Variants in ALG14 observed in about 807,000 individuals in gnomAD.
ALG14 encodes UDP-N-acetylglucosamine transferase subunit ALG14.
Under a neutral mutation model 22.8 loss-of-function variants are expected in ALG14, and 17 were observed. The observed-to-expected ratio is 0.75, with a 90% confidence interval of 0.51 to 1.12. The LOEUF is 1.12. Ranked by LOEUF, ALG14 falls within the 50% of genes most tolerant of loss-of-function variation. ALG14 has a pLI of 0.00. For missense variants in ALG14, 288 were observed against 271.8 expected, an observed-to-expected ratio of 1.06 and a Z score of -0.42; for synonymous variants, 89 against 103.7, an observed-to-expected ratio of 0.86 and a Z score of 0.86.
At chr1:95,029,662 T>C (rs1673935561) in intron 2 of ALG14, among the ~76,000 whole-genome samples, 1 of 152,228 alleles carries the variant, frequency 6.6e-6, no homozygotes, top group African/African-American at 2.4e-5. Flanking sequence ...AACTACATTC[T>C]TGCACTCAGA....
At chr1:95,041,391 T>C (rs1200700802) in intron 2 of ALG14, 3 of 151,806 alleles carry the variant, frequency 2.0e-5, no homozygotes, top group East Asian at 1.9e-4. Flanking sequence ...TCAGAACTGA[T>C]TGGGAGGCCA....
At chr1:95,013,266 A>G (rs1221278674) in intron 3 of ALG14, among the ~76,000 whole-genome samples, 1 of 151,978 alleles carries the variant, frequency 6.6e-6, no homozygotes, top group Non-Finnish European at 1.5e-5. Context: ...ACCATAAGCT[A>G]TTGTTTATTC....
Position 95,064,999 on chromosome 1 carries a change from A to T in ALG14, c.155T>A (p.Ile52Asn). ...GGACAAGCTCCCAAGCAGCCTCAGGATCTCAGTGGTATGCCCACCTGGAAA... is the reference window on the plus strand; with the variant it reads ...GGACAAGCTCCCAAGCAGCCTCAGGTTCTCAGTGGTATGCCCACCTGGAAA... The part of the protein sequence containing the change: ...VAGSGGHTTE[I>N]LRLLGSLSNA... The change falls in exon 2 of 4, where the codon ATC (isoleucine) becomes AAC (asparagine). Residue 52 changes from isoleucine to asparagine, a missense_variant. Coordinates refer to ENST00000370205, the MANE Select transcript of ALG14 (RefSeq NM_144988.4). 1 of 1,613,376 alleles carries T rather than the reference A, an allele frequency of 6.2e-7. No individual in the cohort carries two copies. Among genetic ancestry groups the T allele is most frequent in the Non-Finnish European group, 8.5e-7 (1 of 1,179,612 alleles).
At chr1:95,039,099 T>C (rs1674301273) in intron 2 of ALG14, among the ~76,000 whole-genome samples, 2 of 152,152 alleles carry the variant, frequency 1.3e-5, no homozygotes, top group African/African-American at 4.8e-5. Context: ...TATAAAATTT[T>C]CTAAGTATAA....
At chr1:95,019,300 T>C (rs891953653) in intron 3 of ALG14, among the ~76,000 whole-genome samples, 2 of 152,220 alleles carry the variant, frequency 1.3e-5, no homozygotes, top group Non-Finnish European at 2.9e-5. Flanking sequence ...CAATATGTTC[T>C]TTCTGTAATT....
chr1:95,061,061 G>T (rs1363447155), intron 2 of ALG14, among the ~76,000 whole-genome samples: 1 of 152,182 alleles, frequency 6.6e-6, no homozygotes, highest in Non-Finnish European at 1.5e-5. Flanking sequence ...AGCTAAGGAA[G>T]GCCAAGCATT....
At chr1:95,041,439 C>T (rs1674375618) in intron 2 of ALG14, 1 of 151,756 alleles carries the variant, frequency 6.6e-6, no homozygotes, top group Non-Finnish European at 1.5e-5. Context: ...ACAGCAAGAC[C>T]CCATCTTTAC....
At chr1:95,062,046 A>G (rs980454585) in intron 2 of ALG14, 1 of 152,210 alleles carries the variant, frequency 6.6e-6, no homozygotes, top group African/African-American at 2.4e-5. Context: ...GTAAAGAAGT[A>G]CTAATAATTT....
intron 3 of ALG14, among the ~76,000 whole-genome samples, chr1:95,011,994 C>A (rs1026652927): frequency 6.6e-6 from 1 of 152,160 alleles, no homozygotes; most frequent in African/African-American, 2.4e-5. Flanking sequence ...ATAACTGAAT[C>A]AAGGGGGTGG....
In ALG14 at chr1:95,027,223, C is replaced by T. The variant is rs199689080; in HGVS notation, c.326G>A (p.Arg109Gln). 1.3e-4 allele frequency: 209 copies of T among 1,614,100 alleles called. No individual in the cohort carries two copies. Among genetic ancestry groups the T allele is most frequent in the Non-Finnish European group, 1.6e-4 (193 of 1,179,994 alleles). The stretch of plus-strand genomic sequence containing the variant: ...GGAGGGCCAGGACTGCTGAACCTCC[C>T]GGCTTCTTGGAATTCGGTGAATGTA... ...KYYIHRIPRS[R>Q]EVQQSWPSTV... The change falls in exon 3 of 4, where the codon CGG becomes CAG. Residue 109 changes from arginine to glutamine, a missense_variant. By Grantham distance (43) the Arg-to-Gln change is conservative. Coordinates refer to ENST00000370205, the MANE Select transcript of ALG14 (RefSeq NM_144988.4).
In ALG14 at chr1:95,064,964, A is replaced by G. The variant is rs781738381; in HGVS notation, c.190T>C (p.Ser64Pro). 25 of 1,613,590 alleles carry G rather than the reference A, an allele frequency of 1.5e-5. No homozygotes were observed. The highest frequency in any genetic ancestry group is 2.1e-5 in the Non-Finnish European group (25 of 1,179,738). The change falls in exon 2 of 4, where the codon TCA becomes CCA. Residue 64 changes from serine (S) to proline (P), a missense_variant. By Grantham distance (74) the Ser-to-Pro change is moderately conservative (BLOSUM62 -1). Coordinates refer to ENST00000370205, the MANE Select transcript of ALG14 (RefSeq NM_144988.4). Reference protein sequence around the residue: ...RLLGSLSNAYSPRHYVIADTD... With the variant: ...RLLGSLSNAYPPRHYVIADTD... ...TCAGCAATGACATAATGTCTAGGTG[A>G]GTAGGCATTGGACAAGCTCCCAAGC...
chr1:95,037,950 C>T (rs1674251782), intron 2 of ALG14, among the ~76,000 whole-genome samples: 1 of 152,194 alleles, frequency 6.6e-6, no homozygotes, highest in Non-Finnish European at 1.5e-5. Context: ...GAACTCACTG[C>T]AGTCTATCAG....
intron 2 of ALG14, among the ~76,000 whole-genome samples, chr1:95,034,232 C>T (rs1434179832): frequency 6.6e-6 from 1 of 152,170 alleles, no homozygotes; most frequent in Non-Finnish European, 1.5e-5. Context: ...GTGGTCTCTC[C>T]ACCACACTGT....
At position 95,072,918 on chromosome 1, in the gene ALG14, G is replaced by C; in HGVS notation, c.-20C>G. The C allele has an allele frequency of 1.2e-6, 2 of 1,613,130 alleles. No individual in the cohort carries two copies. The highest frequency in any genetic ancestry group is 1.7e-6 in the Non-Finnish European group (2 of 1,179,790). The stretch of plus-strand genomic sequence containing the variant: ...CACCATGCAGAGAAACGGCGCATGC[G>C]TCCAACTTCCGGGGACCAGCCGCTG... On this transcript the variant is annotated 5_prime_UTR_variant, in exon 1 of 4. Coordinates refer to ENST00000370205, the MANE Select transcript of ALG14 (RefSeq NM_144988.4).
intron 3 of ALG14, among the ~76,000 whole-genome samples, chr1:95,011,023 C>G (rs1673346288): frequency 6.6e-6 from 1 of 152,220 alleles, no homozygotes; most frequent in South Asian, 2.1e-4. Context: ...GTGTGTTGAC[C>G]TGGCCTCACT....
chr1:95,002,475 A>G (rs1427239797), intron 3 of ALG14, among the ~76,000 whole-genome samples: 1 of 152,212 alleles, frequency 6.6e-6, no homozygotes, highest in Admixed American at 6.5e-5. Flanking sequence ...AAGCCTGAAG[A>G]GAAAAATATG....
intron 2 of ALG14, among the ~76,000 whole-genome samples, chr1:95,059,257 C>T (rs1373277535): frequency 1.3e-5 from 2 of 151,614 alleles, no homozygotes; most frequent in African/African-American, 2.4e-5. Flanking sequence ...ATTAGTTGGG[C>T]GTGGTGGCGG....
chr1:95,020,610 C>T (rs190561609), intron 3 of ALG14, among the ~76,000 whole-genome samples: 37 of 151,546 alleles, frequency 2.4e-4, no homozygotes, highest in Middle Eastern at 3.4e-3. Flanking sequence ...TGGTTGTGCA[C>T]GCCTGTAATC....
chr1:95,027,859 C>G (rs1453807067), intron 2 of ALG14, among the ~76,000 whole-genome samples: 1 of 152,182 alleles, frequency 6.6e-6, no homozygotes. Context: ...TTCCTTTGAT[C>G]CAGCATTTCT....
Sources: gnomAD v4.1 joint callset for allele counts (sites outside exome capture counted in the v4.1 genomes callset) on GRCh38, gnomAD v4.1.1 for gene constraint, MANE v1.5 for transcripts, NCBI Gene and HGNC (gene_info 2026-07-23, HGNC 2026-07-21) for gene names.